Variants in FSTL5 observed in about 807,000 individuals in gnomAD.
The protein encoded by FSTL5 is follistatin like 5, also known as follistatin-related protein 5.
A neutral mutation model predicts 89.1 loss-of-function variants in FSTL5; 62 were observed. The observed-to-expected ratio is 0.70, with a 90% CI of 0.57 to 0.86. The LOEUF (loss-of-function observed/expected upper bound fraction) is 0.86. Among genes scored for constraint, FSTL5 ranks in the 40% least tolerant of loss-of-function variants. The pLI is 0.00. For synonymous variants in FSTL5, 383 were observed against 346.2 expected, an observed-to-expected ratio of 1.11 and a Z score of -1.18; for missense variants, 1,057 against 1,001.6, an observed-to-expected ratio of 1.06 and a Z score of -0.75.
At chr4:161,926,394 GTT>G (rs767720876) in intron 3 of FSTL5, among the ~76,000 whole-genome samples, 1 of 26,456 alleles carries the variant, frequency 3.8e-5, no homozygotes, top group Non-Finnish European at 9.7e-5. Context: ...ACAGAAGAAG[GTT>G]TTTTTTTTTT....
chr4:162,069,693 C>T (rs2111305433), intron 2 of FSTL5, among the ~76,000 whole-genome samples: 1 of 152,032 alleles, frequency 6.6e-6, no homozygotes, highest in Middle Eastern at 3.4e-3. Context: ...GTCCTCCAGG[C>T]TCAACCATGT....
intron 4 of FSTL5, among the ~76,000 whole-genome samples, chr4:161,842,295 C>T (rs534136461): frequency 6.6e-6 from 1 of 152,236 alleles, no homozygotes; most frequent in Non-Finnish European, 1.5e-5. Context: ...TTCATTTTTA[C>T]AGTTATAGCA....
At chr4:161,604,735 C>T (rs1032136651) in intron 7 of FSTL5, among the ~76,000 whole-genome samples, 1 of 152,104 alleles carries the variant, frequency 6.6e-6, no homozygotes, top group Non-Finnish European at 1.5e-5. Context: ...GGAAAATCTG[C>T]CCATGGGGAC....
intron 1 of FSTL5, among the ~76,000 whole-genome samples, chr4:162,123,343 A>C (rs538961930): frequency 5.9e-5 from 9 of 152,298 alleles, no homozygotes; most frequent in African/African-American, 2.2e-4. Context: ...TACTGTGGAG[A>C]GTCTGAGAAT....
intron 4 of FSTL5, among the ~76,000 whole-genome samples, chr4:161,891,608 T>A: frequency 6.6e-6 from 1 of 152,124 alleles, no homozygotes; most frequent in Non-Finnish European, 1.5e-5. Flanking sequence ...AAGTTAGGAA[T>A]CAGTAAGTGA....
intron 6 of FSTL5, among the ~76,000 whole-genome samples, chr4:161,670,425 T>C (rs538919310): frequency 6.6e-6 from 1 of 152,334 alleles, no homozygotes; most frequent in South Asian, 2.1e-4. Flanking sequence ...AATGACACAT[T>C]ATTTGCTCTG....
chr4:161,681,690 G>T (rs1157072079), intron 6 of FSTL5, among the ~76,000 whole-genome samples: 1 of 151,644 alleles, frequency 6.6e-6, no homozygotes, highest in East Asian at 1.9e-4. Flanking sequence ...ATCCAATAGG[G>T]TATATGCTTA....
intron 1 of FSTL5, among the ~76,000 whole-genome samples, chr4:162,134,427 C>A (rs1732448890): frequency 1.3e-5 from 2 of 152,112 alleles, no homozygotes; most frequent in South Asian, 4.1e-4. Flanking sequence ...TTCAGGCTAG[C>A]AATTACACAC....
intron 5 of FSTL5, among the ~76,000 whole-genome samples, chr4:161,764,109 C>T (rs2126793460): frequency 6.6e-6 from 1 of 152,222 alleles, no homozygotes; most frequent in East Asian, 1.9e-4. Flanking sequence ...TCACTGGAAA[C>T]AGCAATCTAA....
chr4:162,133,251 T>C (rs1039253983), intron 1 of FSTL5, among the ~76,000 whole-genome samples: 1 of 152,252 alleles, frequency 6.6e-6, no homozygotes, highest in African/African-American at 2.4e-5. Flanking sequence ...ATTCTGAGTC[T>C]AAATGGCATT....
At chr4:161,566,065 T>G (rs1318021160) in intron 8 of FSTL5, among the ~76,000 whole-genome samples, 1 of 137,346 alleles carries the variant, frequency 7.3e-6, no homozygotes, top group African/African-American at 2.7e-5. Context: ...ACTGCATTTG[T>G]GCCAACATCT....
At chr4:161,476,706 G>T (rs1270794565) in intron 13 of FSTL5, among the ~76,000 whole-genome samples, 1 of 152,132 alleles carries the variant, frequency 6.6e-6, no homozygotes, top group Non-Finnish European at 1.5e-5. Context: ...AAGAACTAGA[G>T]AAAAATGAAA....
chr4:161,484,597 C>T lies in FSTL5; in HGVS notation c.1459-3428G>A, dbSNP rs76072811. ...ACATTACTTCCATTTCCCAACCTTT[C>T]GCTCTAAACTAACCATGCTTCACAT... On this transcript the variant is annotated intron_variant, in intron 12 of 15. Coordinates refer to ENST00000306100, the MANE Select transcript of FSTL5 (RefSeq NM_020116.5). Among the ~76,000 whole-genome samples the T allele has an allele frequency of 3.5e-3, 531 of 152,262 alleles. 3 individuals are homozygous for T. Among genetic ancestry groups the T allele is most frequent in the African/African-American group, 0.012 (478 of 41,552 alleles).
chr4:161,733,972 C>G (rs1019142330), intron 6 of FSTL5, among the ~76,000 whole-genome samples: 9 of 151,872 alleles, frequency 5.9e-5, no homozygotes, highest in African/African-American at 2.2e-4. Flanking sequence ...AGTAGATATA[C>G]AGAATTTTTT....
At chr4:161,620,783 G>C (rs1735094630) in intron 7 of FSTL5, among the ~76,000 whole-genome samples, 2 of 151,938 alleles carry the variant, frequency 1.3e-5, no homozygotes, top group Admixed American at 6.6e-5. Context: ...TAAATATGTA[G>C]GTAAATATAA....
At chr4:161,393,849 G>T (rs1578939675) in intron 15 of FSTL5, among the ~76,000 whole-genome samples, 1 of 152,108 alleles carries the variant, frequency 6.6e-6, no homozygotes, top group Admixed American at 6.6e-5. Flanking sequence ...AGCCAATGGT[G>T]GGGGCTAGTA....
intron 3 of FSTL5, among the ~76,000 whole-genome samples, chr4:161,980,904 G>A (rs1735810989): frequency 1.3e-5 from 2 of 149,486 alleles, no homozygotes; most frequent in Non-Finnish European, 3.0e-5. Context: ...AGCCTCTTAA[G>A]TAGCTGGGGT....
intron 8 of FSTL5, among the ~76,000 whole-genome samples, chr4:161,582,281 A>C (rs1444644583): frequency 6.6e-6 from 1 of 152,182 alleles, no homozygotes; most frequent in Non-Finnish European, 1.5e-5. Context: ...TGAAAGCCTG[A>C]TTTTCTAAAG....
intron 1 of FSTL5, among the ~76,000 whole-genome samples, chr4:162,143,561 G>C (rs78174019): frequency 0.042 from 6,359 of 151,966 alleles, 145 homozygotes; most frequent in Admixed American, 0.05. Context: ...ATTATTTTCT[G>C]TTTTTCTCTT....
Sources: allele counts gnomAD v4.1 joint callset (sites outside exome capture counted in the v4.1 genomes callset), GRCh38; gene constraint gnomAD v4.1.1; transcripts MANE v1.5; gene names NCBI Gene and HGNC (gene_info 2026-07-23, HGNC 2026-07-21).